The following PPP4R1 variants were observed in gnomAD, a reference collection of about 807,000 sequenced individuals.
The protein encoded by PPP4R1 is protein phosphatase 4 regulatory subunit 1.
A neutral mutation model predicts 111.2 loss-of-function variants in PPP4R1; 42 were observed. That is an observed-to-expected ratio of 0.38 (90% CI 0.29 to 0.49). The LOEUF (loss-of-function observed/expected upper bound fraction) is 0.49, where lower values mean the gene tolerates loss of function less well. Among genes scored for constraint, PPP4R1 ranks in the 20% least tolerant of loss-of-function variants. The pLI is 0.97. For synonymous variants in PPP4R1, 409 were observed against 405.5 expected (o/e 1.01, Z -0.10); for missense variants, 1,012 against 1,161.6 (o/e 0.87, Z 1.87).
chr18:9,553,449 C>A, intron 15 of PPP4R1, 27 bp from the exon 16 acceptor site: 2 of 1,444,396 alleles, frequency 1.4e-6, no homozygotes, highest in Non-Finnish European at 1.9e-6. Context: ...AAAATATTTA[C>A]CAGGACAAGG....
rs560933565 is a variant in PPP4R1 at position 9,555,966 on chromosome 18, C to A, written c.2190+1255G>T. Among the ~76,000 whole-genome samples, 512 of 147,014 alleles carry A rather than the reference C, an allele frequency of 3.5e-3. 3 individuals carry two copies. Among genetic ancestry groups the A allele is most frequent in the African/African-American group, 0.013 (501 of 40,004 alleles). ...CCTGGCCAACACGGTGAAACCCCAT[C>A]TCTACTAAAACAAACAAACAAACAA... On this transcript the variant is annotated intron_variant, in intron 15 of 19. Coordinates refer to ENST00000400556, the MANE Select transcript of PPP4R1 (RefSeq NM_001042388.3).
rs1323450043 is a variant in PPP4R1, at chr18:9,561,866, C to T, written c.1842+114G>A. ...ATTTCCTTATGGAAAATATGACACA[C>T]TAGTCAATTTTTAGAACACTCATCA... On this transcript the variant is annotated intron_variant, in intron 13 of 19. Coordinates refer to ENST00000400556, the MANE Select transcript of PPP4R1 (RefSeq NM_001042388.3). The T allele has an allele frequency of 6.5e-6, 5 of 771,024 alleles. No individual in the cohort carries two copies. In the Admixed American group the frequency reaches 8.8e-5, roughly 14 times the overall value. The allele number at this position is 771,024 out of a possible 1,614,324, so 47.8% of individuals were successfully genotyped here. A position where few individuals can be genotyped will look rare whatever the true frequency, so the allele number is the denominator to read the frequency against.
intron 15 of PPP4R1, among the ~76,000 whole-genome samples, chr18:9,555,255 T>C (rs569313406): frequency 2.0e-5 from 3 of 152,174 alleles, no homozygotes; most frequent in Admixed American, 6.5e-5. Flanking sequence ...TGAGCCATGA[T>C]TGCATCATTA....
In PPP4R1 at chr18:9,557,337, C is replaced by G; in HGVS notation, c.2074G>C (p.Val692Leu). ...TLAFSIHELA[V>L]ILGDQLTAAD... ...GCTGTCAATTGATCTCCAAGAATAA[C>G]TGCAAGCTCGTGGATGGAGAATGCT... is the stretch of plus-strand genomic sequence containing the variant. Residue 692 changes from valine (V) to leucine (L), a missense_variant, in exon 15 of 20, where the codon GTT becomes CTT. Around this residue, in one of 2 missense-constraint regions of PPP4R1, gnomAD observed 305 missense variants for 419.5 expected, o/e 0.73. Coordinates refer to ENST00000400556, the MANE Select transcript of PPP4R1 (RefSeq NM_001042388.3). 6.2e-7 allele frequency: 1 copy of G among 1,609,178 alleles called. No individual in the cohort carries two copies. The highest frequency in any genetic ancestry group is 2.2e-5 in the East Asian group (1 of 44,814).
In PPP4R1 at chr18:9,614,177, C is replaced by G; in HGVS notation, c.52+49G>C. On this transcript the variant is annotated intron_variant, in intron 2 of 19. Coordinates refer to ENST00000400556, the MANE Select transcript of PPP4R1 (RefSeq NM_001042388.3). This position sits in a 1 kb window ranked among gnomAD's most constrained non-coding sequence, Gnocchi z 4.1. ...AGGCCTCGCCGCCGCCCGCCCTCCC[C>G]GGCCGCTCCCCGCGGACTGCCAGGC... 1 of 1,312,166 alleles carries G rather than the reference C, an allele frequency of 7.6e-7. No homozygotes were observed. The highest frequency in any genetic ancestry group is 9.8e-7 in the Non-Finnish European group (1 of 1,016,992). The allele number at this position is 1,312,166 out of a possible 1,614,324, so 81.3% of individuals were successfully genotyped here.
At chr18:9,555,946 C>T (rs1434267449) in intron 15 of PPP4R1, among the ~76,000 whole-genome samples, 3 of 151,094 alleles carry the variant, frequency 2.0e-5, no homozygotes, top group Admixed American at 6.6e-5. Flanking sequence ...ACCATCCTGG[C>T]CAACACGGTG....
At position 9,577,104 on chromosome 18, in the gene PPP4R1, T is replaced by C; in HGVS notation, c.1006A>G (p.Ser336Gly). 1 of 1,598,350 alleles carries C rather than the reference T, an allele frequency of 6.3e-7. No homozygotes were observed. The highest frequency in any genetic ancestry group is 2.2e-5 in the East Asian group (1 of 44,708). The change falls in exon 10 of 20, where the codon AGC (serine) becomes GGC (glycine). Residue 336 changes from serine to glycine, a missense_variant. Ser to Gly is a moderately conservative substitution (Grantham distance 56). Around this residue, in one of 2 missense-constraint regions of PPP4R1, gnomAD observed 707 missense variants for 742.1 expected, o/e 0.95. Transcript: ENST00000400556. ...ACTGACATCTCTTCTGAACTTTTGC[T>C]TTCTTCTTTAAAATACTGGCCTGAG... ...SSSGQYFKEE[S>G]KSSEEMSVEN...
chr18:9,563,429 A>G lies in PPP4R1; in HGVS notation c.1695T>C (p.Asn565=). ...CAGAATCTTCTTGATTTATTTTACA[A>G]TTTGGTAGCTCATTTATATCCAGTT... ...QDELDINELP[N]CKINQEDSVP... Residue 565 remains asparagine, a synonymous_variant, in exon 12 of 20, where the codon AAT becomes AAC. Transcript: ENST00000400556. 1 of 1,612,894 alleles carries G rather than the reference A, an allele frequency of 6.2e-7. No homozygotes were observed. Among genetic ancestry groups the G allele is most frequent in the South Asian group, 1.1e-5 (1 of 91,046 alleles).
intron 16 of PPP4R1, chr18:9,552,012 T>A (rs2066497252): frequency 6.6e-6 from 1 of 152,310 alleles, no homozygotes; most frequent in Non-Finnish European, 1.5e-5. Flanking sequence ...CCCGGCACTA[T>A]ATGGCAGAAG....
chr18:9,607,221 C>A (rs56026066), intron 2 of PPP4R1, among the ~76,000 whole-genome samples: 1 of 151,768 alleles, frequency 6.6e-6, no homozygotes, highest in African/African-American at 2.4e-5. Flanking sequence ...ATTAGCCAGG[C>A]GTGGTGGTGC....
At chr18:9,557,063 G>T in intron 15 of PPP4R1, 158 bp downstream of exon 15, 1 of 605,238 alleles carries the variant, frequency 1.7e-6, no homozygotes, top group Admixed American at 3.6e-5. Flanking sequence ...TATAATTATG[G>T]GACCATTTCT....
chr18:9,564,067 C>A (rs1042174905), intron 11 of PPP4R1, among the ~76,000 whole-genome samples: 1 of 152,158 alleles, frequency 6.6e-6, no homozygotes, highest in Admixed American at 6.5e-5. Context: ...AGAATTGCAT[C>A]TTCTCCCAAA....
At chr18:9,604,099 A>T (rs1471039247) in intron 2 of PPP4R1, among the ~76,000 whole-genome samples, 1 of 152,228 alleles carries the variant, frequency 6.6e-6, no homozygotes, top group Non-Finnish European at 1.5e-5. Context: ...TTTATAATAC[A>T]TTAGAAATAT....
At chr18:9,586,876 T>C (rs938296428) in intron 6 of PPP4R1, among the ~76,000 whole-genome samples, 2 of 152,198 alleles carry the variant, frequency 1.3e-5, no homozygotes, top group African/African-American at 2.4e-5. Context: ...TACTAATTCA[T>C]GCCCTATCAT....
chr18:9,608,976 T>C (rs2067530948), intron 2 of PPP4R1, among the ~76,000 whole-genome samples: 1 of 152,182 alleles, frequency 6.6e-6, no homozygotes, highest in Admixed American at 6.5e-5. Context: ...CTTGGTTTTT[T>C]ATTTTTTGGA....
At chr18:9,573,150 C>T (rs2066886798) in intron 10 of PPP4R1, among the ~76,000 whole-genome samples, 1 of 152,212 alleles carries the variant, frequency 6.6e-6, no homozygotes, top group South Asian at 2.1e-4. Context: ...CCATTTTGTC[C>T]ATATTAAAAA....
At chr18:9,596,783 T>G (rs2067296962) in intron 2 of PPP4R1, among the ~76,000 whole-genome samples, 1 of 152,198 alleles carries the variant, frequency 6.6e-6, no homozygotes, top group African/African-American at 2.4e-5. Context: ...CTTACAGAAC[T>G]GACTACTTTA....
intron 2 of PPP4R1, among the ~76,000 whole-genome samples, chr18:9,600,196 C>CAAAAAAAAAAAAAAAAAAAAATAAAAAA: frequency 9.2e-6 from 1 of 109,286 alleles, no homozygotes; most frequent in Non-Finnish European, 1.9e-5. Flanking sequence ...TTCTATTTCC[C>CAAAAAAAAAAAAAAAAAAAAATAAAAAA]AAAAAAAAAA....
intron 18 of PPP4R1, 88 bp downstream of exon 18, chr18:9,549,964 G>A: frequency 6.4e-7 from 1 of 1,565,844 alleles, no homozygotes; most frequent in Non-Finnish European, 8.7e-7. Flanking sequence ...TAAGAGTAAG[G>A]AAGAGGGTGA....
Sources: gnomAD v4.1 joint callset for allele counts (sites outside exome capture counted in the v4.1 genomes callset) on GRCh38, gnomAD v4.1.1 for gene constraint, gnomAD v4.1.1 regional missense constraint, Gnocchi (gnomAD v3.1) non-coding constraint, MANE v1.5 for transcripts, NCBI Gene and HGNC (gene_info 2026-07-23, HGNC 2026-07-21) for gene names.